Variants in CDYL2 observed in about 807,000 individuals in gnomAD.
CDYL2 encodes the protein chromodomain Y-like protein 2.
CDYL2 carries 23 observed loss-of-function variants against 49.4 expected under a neutral mutation model. That is an observed-to-expected ratio of 0.47 (90% CI 0.34 to 0.66). The LOEUF (loss-of-function observed/expected upper bound fraction) is 0.66. CDYL2 is among the 30% of genes least tolerant of loss of function. The pLI is 0.01. For missense variants in CDYL2, 678 were observed against 656.4 expected, an observed-to-expected ratio of 1.03 and a Z score of -0.36; for synonymous variants, 360 against 268.8, an observed-to-expected ratio of 1.34 and a Z score of -3.32.
intron 1 of CDYL2, among the ~76,000 whole-genome samples, chr16:80,762,598 C>T (rs555998289): frequency 1.1e-3 from 168 of 152,288 alleles, no homozygotes; most frequent in South Asian, 4.1e-3. Context: ...CTACACTTGA[C>T]CTCATTCATG....
chr16:80,682,597 C>G (rs1229377482), intron 2 of CDYL2, among the ~76,000 whole-genome samples: 1 of 152,212 alleles, frequency 6.6e-6, no homozygotes, highest in Admixed American at 6.5e-5. Context: ...AGCAAATCTT[C>G]CTCCCTCATG....
rs116336120 is a variant in CDYL2, at chr16:80,761,206, G to C, written c.24+42944C>G. Among the ~76,000 whole-genome samples, 985 of 152,242 alleles carry C rather than the reference G, an allele frequency of 6.5e-3. 13 individuals are homozygous for C. Among genetic ancestry groups the C allele is most frequent in the African/African-American group, 0.023 (945 of 41,528 alleles). On this transcript the variant is annotated intron_variant, in intron 1 of 6. Coordinates refer to ENST00000570137, the MANE Select transcript of CDYL2 (RefSeq NM_152342.4). ...GCAGGTGAAGCCCAGCAATCTGTTT[G>C]AACAAGCCCGCCAGGGGATTCTGGT...
chr16:80,633,454 T>C (rs1389593713), intron 2 of CDYL2, among the ~76,000 whole-genome samples: 1 of 152,198 alleles, frequency 6.6e-6, no homozygotes, highest in African/African-American at 2.4e-5. Context: ...GAGGGCTCTT[T>C]GTGAAGGCCC....
chr16:80,645,871 A>G (rs1482796381), intron 2 of CDYL2, among the ~76,000 whole-genome samples: 2 of 151,650 alleles, frequency 1.3e-5, no homozygotes, highest in Admixed American at 1.3e-4. Context: ...CATTCTCAGC[A>G]AACTATCTCA....
intron 1 of CDYL2, among the ~76,000 whole-genome samples, chr16:80,709,508 A>T (rs2142509955): frequency 6.6e-6 from 1 of 152,144 alleles, no homozygotes; most frequent in East Asian, 1.9e-4. Flanking sequence ...CACTAGATGA[A>T]TGCAGAAAGC....
chr16:80,681,824 GAA>G (rs1316471472), intron 2 of CDYL2, among the ~76,000 whole-genome samples: 2 of 152,200 alleles, frequency 1.3e-5, no homozygotes, highest in African/African-American at 4.8e-5. Context: ...GTTTCAGAGG[GAA>G]GCTATAAGTT....
intron 1 of CDYL2, among the ~76,000 whole-genome samples, chr16:80,736,985 G>C (rs751173036): frequency 1.3e-5 from 2 of 152,178 alleles, no homozygotes; most frequent in Non-Finnish European, 2.9e-5. Flanking sequence ...TCAGATTTGG[G>C]ATGGCTGAGA....
At position 80,623,903 on chromosome 16, in the gene CDYL2, T is replaced by C. The variant is rs370547872; in HGVS notation, c.835-2968A>G. Among the ~76,000 whole-genome samples the C allele has an allele frequency of 1.1e-4, 17 of 152,260 alleles. No homozygotes were observed. The East Asian group carries it at 2.1e-3, about 19-fold the overall frequency. On this transcript the variant is annotated intron_variant, in intron 3 of 6. Transcript: ENST00000570137. The stretch of plus-strand genomic sequence containing the variant: ...GAGCAGCAGGAAATGAGCTCTGTGA[T>C]GCCCAGGGGAAAGCAGATCCTTCTC...
chr16:80,726,457 A>G (rs2142532858), intron 1 of CDYL2, among the ~76,000 whole-genome samples: 1 of 152,356 alleles, frequency 6.6e-6, no homozygotes, highest in South Asian at 2.1e-4. Context: ...TTTAAAACTG[A>G]AGTTCTATTT....
At chr16:80,651,562 C>T (rs1908582930) in intron 2 of CDYL2, among the ~76,000 whole-genome samples, 1 of 152,150 alleles carries the variant, frequency 6.6e-6, no homozygotes, top group Non-Finnish European at 1.5e-5. Flanking sequence ...AAGAAATTTA[C>T]AGCACAGAGA....
At chr16:80,613,106 A>T (rs548414526) in intron 4 of CDYL2, among the ~76,000 whole-genome samples, 3 of 151,678 alleles carry the variant, frequency 2.0e-5, no homozygotes, top group African/African-American at 4.8e-5. Flanking sequence ...ATCTCCTTCC[A>T]CTCTCAAAAG....
At chr16:80,699,389 G>A (rs937416275) in intron 1 of CDYL2, among the ~76,000 whole-genome samples, 3 of 152,224 alleles carry the variant, frequency 2.0e-5, no homozygotes, top group Non-Finnish European at 2.9e-5. Context: ...GCTGGACATT[G>A]TGTTAAGTGA....
chr16:80,656,697 C>G (rs543851283), intron 2 of CDYL2, among the ~76,000 whole-genome samples: 3 of 152,068 alleles, frequency 2.0e-5, no homozygotes, highest in Non-Finnish European at 2.9e-5. Flanking sequence ...CATACAGAAG[C>G]GACAGATAAA....
rs576620532 is a variant in CDYL2 at position 80,732,391 on chromosome 16, G to A, written c.25-47262C>T. On this transcript the variant is annotated intron_variant, in intron 1 of 6. Transcript: ENST00000570137. ...AAGTTTGGAGGCCCTTTTAGTCATC[G>A]TGTTGGAAAGAGCCTTCTGATTGCC... Among the ~76,000 whole-genome samples, 29 of 152,204 alleles carry A rather than the reference G, an allele frequency of 1.9e-4. No homozygotes were observed. The East Asian group carries it at 4.6e-3, about 24-fold the overall frequency.
At chr16:80,758,561 T>TG (rs1906395161) in intron 1 of CDYL2, among the ~76,000 whole-genome samples, 1 of 148,120 alleles carries the variant, frequency 6.8e-6, no homozygotes, top group Non-Finnish European at 1.5e-5. Flanking sequence ...TTTTTTTTTT[T>TG]GTGACTGAGT....
At chr16:80,800,332 C>T (rs1451391348) in intron 1 of CDYL2, among the ~76,000 whole-genome samples, 2 of 152,112 alleles carry the variant, frequency 1.3e-5, no homozygotes, top group African/African-American at 4.8e-5. Context: ...AAGCAAATGC[C>T]CTGTGCAATC....
At chr16:80,756,190 G>C (rs1906304292) in intron 1 of CDYL2, among the ~76,000 whole-genome samples, 1 of 151,946 alleles carries the variant, frequency 6.6e-6, no homozygotes, top group Non-Finnish European at 1.5e-5. Context: ...TAAAAACTAA[G>C]AAAAACAGAA....
intron 1 of CDYL2, among the ~76,000 whole-genome samples, chr16:80,758,122 T>C (rs1466272232): frequency 1.3e-5 from 2 of 152,162 alleles, no homozygotes; most frequent in Non-Finnish European, 2.9e-5. Context: ...AGATCAATGA[T>C]CTTAATTGTT....
intron 1 of CDYL2, among the ~76,000 whole-genome samples, chr16:80,741,933 A>T (rs186754211): frequency 7.2e-5 from 11 of 152,360 alleles, no homozygotes; most frequent in Admixed American, 7.2e-4. Context: ...CACTTTCAGA[A>T]AACAGCCTAA....
Sources: gnomAD v4.1 joint callset for allele counts (sites outside exome capture counted in the v4.1 genomes callset) on GRCh38, gnomAD v4.1.1 for gene constraint, MANE v1.5 for transcripts, NCBI Gene and HGNC (gene_info 2026-07-23, HGNC 2026-07-21) for gene names.